SPMIP2: variants seen among roughly 807,000 people sequenced by gnomAD.
The protein encoded by SPMIP2 is protein SPMIP2.
chr4:158,896,512 C>T, the SPMIP2 span, among the ~76,000 whole-genome samples: 5 of 152,110 alleles, frequency 3.3e-5, no homozygotes, highest in Non-Finnish European at 7.4e-5. Context: ...GGAACTGCCC[C>T]CGCTTATCCA....
chr4:158,916,051 G>T, the SPMIP2 span, among the ~76,000 whole-genome samples: 2 of 152,316 alleles, frequency 1.3e-5, no homozygotes, highest in South Asian at 4.1e-4. Context: ...GGACTGCAAA[G>T]TTCTCTTTCT....
the SPMIP2 span, chr4:158,904,575 G>GAAAA: frequency 6.3e-7 from 1 of 1,581,580 alleles, no homozygotes; most frequent in Non-Finnish European, 8.6e-7. Flanking sequence ...TTCCTTGGAA[G>GAAAA]AAAAAAATCA....
At chr4:158,938,214 G>A in the SPMIP2 span, among the ~76,000 whole-genome samples, 38 of 152,318 alleles carry the variant, frequency 2.5e-4, no homozygotes, top group African/African-American at 8.9e-4. Context: ...CAAATTGCCA[G>A]TGTACCTATT....
the SPMIP2 span, among the ~76,000 whole-genome samples, chr4:158,899,879 C>T: frequency 6.6e-6 from 1 of 152,032 alleles, no homozygotes; most frequent in Non-Finnish European, 1.5e-5. Flanking sequence ...TATTTCTTGT[C>T]TTCTGCTAGC....
the SPMIP2 span, among the ~76,000 whole-genome samples, chr4:159,074,556 G>A: frequency 6.6e-6 from 1 of 152,158 alleles, no homozygotes; most frequent in East Asian, 1.9e-4. Flanking sequence ...ATTCTTATTA[G>A]TCTGGCTTAG....
chr4:158,970,713 CT>C, the SPMIP2 span, among the ~76,000 whole-genome samples: 18 of 148,920 alleles, frequency 1.2e-4, no homozygotes, highest in East Asian at 5.9e-4. Flanking sequence ...CTCAGTGAAT[CT>C]TTTTTTTTTC....
chr4:159,072,131 T>C, the SPMIP2 span, among the ~76,000 whole-genome samples: 1 of 152,128 alleles, frequency 6.6e-6, no homozygotes, highest in African/African-American at 2.4e-5. Context: ...CTGGGCAACA[T>C]GGCAAAGCCC....
chr4:158,981,484 C>T, the SPMIP2 span, among the ~76,000 whole-genome samples: 33 of 152,218 alleles, frequency 2.2e-4, no homozygotes, highest in East Asian at 5.6e-3. Flanking sequence ...CAAAGGGATG[C>T]CCATCAGACT....
chr4:158,959,456 G>A, the SPMIP2 span, among the ~76,000 whole-genome samples: 1 of 151,726 alleles, frequency 6.6e-6, no homozygotes, highest in Non-Finnish European at 1.5e-5. Flanking sequence ...TTTTTGTTCT[G>A]AAATAATAGG....
chr4:159,021,099 T>C, the SPMIP2 span, among the ~76,000 whole-genome samples: 2 of 152,170 alleles, frequency 1.3e-5, no homozygotes, highest in African/African-American at 4.8e-5. Context: ...GGTGCAGCAA[T>C]GGTTTACACA....
At chr4:158,893,875 G>T in the SPMIP2 span, among the ~76,000 whole-genome samples, 4 of 151,980 alleles carry the variant, frequency 2.6e-5, no homozygotes, top group Admixed American at 2.6e-4. Flanking sequence ...ACTTCCTTTG[G>T]ACAGAAGTGT....
the SPMIP2 span, among the ~76,000 whole-genome samples, chr4:158,984,231 A>ATC: frequency 1.0e-3 from 11 of 10,838 alleles, no homozygotes; most frequent in Non-Finnish European, 1.4e-3. Flanking sequence ...CATTAGACAG[A>ATC]AAGTTAACAA....
chr4:158,967,591 A>G, the SPMIP2 span, among the ~76,000 whole-genome samples: 1 of 152,234 alleles, frequency 6.6e-6, no homozygotes, highest in East Asian at 1.9e-4. Context: ...AGGAAGCTTT[A>G]TTATGTTTCT....
At chr4:158,980,104 C>G in the SPMIP2 span, among the ~76,000 whole-genome samples, 1 of 152,160 alleles carries the variant, frequency 6.6e-6, no homozygotes, top group Non-Finnish European at 1.5e-5. Flanking sequence ...TCGAACTGAG[C>G]AGCACCCTCC....
At chr4:158,925,829 T>C in the SPMIP2 span, among the ~76,000 whole-genome samples, 2 of 152,188 alleles carry the variant, frequency 1.3e-5, no homozygotes, top group African/African-American at 4.8e-5. Context: ...ACTGAGTGGC[T>C]TATAAGTAAC....
At chr4:158,899,671 G>C in the SPMIP2 span, among the ~76,000 whole-genome samples, 1 of 152,286 alleles carries the variant, frequency 6.6e-6, no homozygotes, top group African/African-American at 2.4e-5. Flanking sequence ...ATGTTAGTTT[G>C]TATTTCTGTG....
the SPMIP2 span, among the ~76,000 whole-genome samples, chr4:158,911,996 G>A: frequency 6.6e-6 from 1 of 151,838 alleles, no homozygotes; most frequent in Non-Finnish European, 1.5e-5. Context: ...CAGAAATCCA[G>A]AAGGGGAAAA....
chr4:159,006,460 C>G, the SPMIP2 span, among the ~76,000 whole-genome samples: 9 of 152,178 alleles, frequency 5.9e-5, no homozygotes, highest in African/African-American at 1.4e-4. Context: ...AACCTGCCCC[C>G]CAGCTTTCTA....
chr4:159,020,355 G>C, the SPMIP2 span, among the ~76,000 whole-genome samples: 1 of 152,152 alleles, frequency 6.6e-6, no homozygotes, highest in Non-Finnish European at 1.5e-5. Flanking sequence ...AGATAGCAGA[G>C]GATCAAAATA....
Sources: gnomAD v4.1 joint callset for allele counts (sites outside exome capture counted in the v4.1 genomes callset) on GRCh38, gnomAD v4.1.1 for gene constraint, MANE v1.5 for transcripts, NCBI Gene and HGNC (gene_info 2026-07-23, HGNC 2026-07-21) for gene names.